The following DLG5 variants were observed in gnomAD, a reference collection of about 807,000 sequenced individuals.
DLG5 encodes the protein disks large homolog 5.
DLG5 carries 48 observed loss-of-function variants against 189.8 expected under a neutral mutation model. The ratio of observed to expected loss-of-function variants is 0.25; its 90% CI spans 0.20 to 0.32. The LOEUF (loss-of-function observed/expected upper bound fraction) is 0.32. Among genes scored for constraint, DLG5 ranks in the 10% least tolerant of loss-of-function variants. The probability of loss-of-function intolerance (pLI) is 1.00; values close to 1 mark genes in which losing one functional copy is unlikely to be tolerated. For missense variants in DLG5, 2,160 were observed against 2,544.7 expected, an observed-to-expected ratio of 0.85 and a Z score of 3.25; for synonymous variants, 1,016 against 1,054.1, an observed-to-expected ratio of 0.96 and a Z score of 0.70.
Position 77,791,973 on chromosome 10 carries a change from A to G in DLG5, c.*467T>C, listed in dbSNP as rs750213078. The G allele has an allele frequency of 6.0e-5, 10 of 165,668 alleles. No individual in the cohort carries two copies. The highest frequency in any genetic ancestry group is 1.2e-4 in the Admixed American group (2 of 16,920). 10.3% of individuals were successfully genotyped at this position (165,668 alleles called of 1,614,324 possible). On this transcript the variant is annotated 3_prime_UTR_variant, in exon 32 of 32. Transcript: ENST00000372391. ...AACCTCCCAAAGCAAAGCAGCCCCC[A>G]TTGAGGTTCCAAGGTCGTTTTGCTG...
chr10:77,909,467 C>T (rs569273823), intron 1 of DLG5, among the ~76,000 whole-genome samples: 11 of 151,836 alleles, frequency 7.2e-5, no homozygotes, highest in African/African-American at 2.4e-4. Context: ...AACAAGCCTG[C>T]GTGTTCTGCA....
intron 1 of DLG5, among the ~76,000 whole-genome samples, chr10:77,905,041 A>C (rs919350738): frequency 6.7e-6 from 1 of 148,784 alleles, no homozygotes; most frequent in Non-Finnish European, 1.5e-5. Flanking sequence ...AGGAAGGAGA[A>C]TCACTTGAAC....
In DLG5 at chr10:77,835,911, C is replaced by T. The variant is rs748168070; in HGVS notation, c.1449G>A (p.Thr483=). 8.7e-6 allele frequency: 14 copies of T among 1,612,608 alleles called. No individual in the cohort carries two copies. Among genetic ancestry groups the T allele is most frequent in the Admixed American group, 5.0e-5 (3 of 59,946 alleles). Residue 483 remains threonine (T), a synonymous_variant, in exon 8 of 32, where the codon ACG becomes ACA. Transcript: ENST00000372391. ...EMEALRQIKD[T]VTMDAGRANK... is the part of the protein sequence containing the mutation. ...TGGCTCTCCCAGCATCCATTGTCAC[C>T]GTGTCTTTGATCTGGTGGGAGCAAG...
At chr10:77,833,833 A>T (rs1842990997) in intron 9 of DLG5, 81 bp downstream of exon 9, 4 of 1,558,948 alleles carry the variant, frequency 2.6e-6, no homozygotes, top group Non-Finnish European at 3.5e-6. Context: ...CAATGCACTC[A>T]GCATTGCCTT....
At position 77,829,450 on chromosome 10, in the gene DLG5, T is replaced by A. The variant is rs773204272; in HGVS notation, c.2090A>T (p.Asn697Ile). ...DKKQAIKALL[N>I]GEGAINMVVR... Reference sequence around the variant, plus strand: ...GACCATGTTGATGGCCCCCTCCCCATTGAGGAGCGCCTTGATGGCCTGCTT... The same window carrying A: ...GACCATGTTGATGGCCCCCTCCCCAATGAGGAGCGCCTTGATGGCCTGCTT... The change falls in exon 12 of 32, where the codon AAT becomes ATT. Residue 697 changes from asparagine to isoleucine, a missense_variant. This residue lies in a region of DLG5 where 107 missense variants were observed against 214.5 expected (regional missense o/e 0.50). Transcript: ENST00000372391. 7 of 1,614,142 alleles carry A rather than the reference T, an allele frequency of 4.3e-6. No homozygotes were observed. In the South Asian group the frequency reaches 4.4e-5, roughly 10 times the overall value.
chr10:77,857,432 T>C (rs924903685), intron 2 of DLG5, among the ~76,000 whole-genome samples: 1 of 152,192 alleles, frequency 6.6e-6, no homozygotes, highest in Non-Finnish European at 1.5e-5. Context: ...ACGGCTCCCT[T>C]TTTGCAAGCC....
chr10:77,883,755 G>A (rs1029039011), intron 1 of DLG5, among the ~76,000 whole-genome samples: 19 of 137,720 alleles, frequency 1.4e-4, no homozygotes, highest in Non-Finnish European at 2.4e-4. Context: ...GGAGTGCAGT[G>A]GTGTGATCTC....
At chr10:77,938,993 A>G in the DLG5 span, among the ~76,000 whole-genome samples, 1 of 151,972 alleles carries the variant, frequency 6.6e-6, no homozygotes, top group African/African-American at 2.4e-5. Context: ...GACCAGCCTG[A>G]CCAACATGGT....
chr10:77,826,750 C>A (rs1380474830), intron 13 of DLG5, among the ~76,000 whole-genome samples: 3 of 152,192 alleles, frequency 2.0e-5, no homozygotes, highest in Non-Finnish European at 2.9e-5. Flanking sequence ...GAGCTCGAGA[C>A]CAGGCTGGCC....
chr10:77,914,277 A>T (rs1302031447), intron 1 of DLG5, among the ~76,000 whole-genome samples: 1 of 152,106 alleles, frequency 6.6e-6, no homozygotes, highest in Non-Finnish European at 1.5e-5. Context: ...TTTGAACTCC[A>T]AGTATGGCCT....
rs781403402 is a variant in DLG5 at position 77,805,676 on chromosome 10, G to A, written c.5153C>T (p.Pro1718Leu). Residue 1718 changes from proline to leucine, a missense_variant, in exon 27 of 32, where the codon CCA (proline) becomes CTA (leucine). This residue lies in a region of DLG5 where 574 missense variants were observed against 644.2 expected (regional missense o/e 0.89). Transcript: ENST00000372391. ...ALDAFSSDSI[P>L]LFEDSVSLAY... ...GCTCAGCCACTTGCCTTCAAAGAGT[G>A]GAATGGAGTCACTGGAAAAGGCATC... The A allele has an allele frequency of 2.5e-6, 4 of 1,611,788 alleles. No individual in the cohort carries two copies. Among genetic ancestry groups the A allele is most frequent in the South Asian group, 2.2e-5 (2 of 90,934 alleles).
chr10:77,905,056 G>A (rs759918118), intron 1 of DLG5, among the ~76,000 whole-genome samples: 10 of 147,518 alleles, frequency 6.8e-5, no homozygotes, highest in Non-Finnish European at 1.3e-4. Flanking sequence ...TTGAACCCGG[G>A]AGGCAGAAGT....
At chr10:77,845,234 TGA>T (rs1278593219) in intron 5 of DLG5, 2 of 152,190 alleles carry the variant, frequency 1.3e-5, no homozygotes, top group Non-Finnish European at 2.9e-5. Context: ...AGCCCTGGGG[TGA>T]GTCACTCCAC....
At chr10:77,899,197 G>C (rs1327796539) in intron 1 of DLG5, among the ~76,000 whole-genome samples, 1 of 152,202 alleles carries the variant, frequency 6.6e-6, no homozygotes, top group Non-Finnish European at 1.5e-5. Context: ...AGGCCAGGCA[G>C]CCATCCAGGC....
Position 77,843,428 on chromosome 10 carries a change from C to T in DLG5, c.1124+19G>A. The T allele has an allele frequency of 6.2e-7, 1 of 1,610,836 alleles. No homozygotes were observed. Among genetic ancestry groups the T allele is most frequent in the Non-Finnish European group, 8.5e-7 (1 of 1,179,076 alleles). On this transcript the variant is annotated intron_variant, in intron 6 of 31. Coordinates refer to ENST00000372391, the MANE Select transcript of DLG5 (RefSeq NM_004747.4). ...TATAGGACCCATTTGCCCCCGGCCCCCGATGGCCCTAGCCCTACCTCCTCA... is the reference window on the plus strand; with the variant it reads ...TATAGGACCCATTTGCCCCCGGCCCTCGATGGCCCTAGCCCTACCTCCTCA...
At chr10:77,877,154 C>A (rs966101644) in intron 1 of DLG5, among the ~76,000 whole-genome samples, 1 of 152,142 alleles carries the variant, frequency 6.6e-6, no homozygotes, top group Non-Finnish European at 1.5e-5. Context: ...ATCTGTGACT[C>A]CCCTCCCTTC....
intron 31 of DLG5, chr10:77,792,865 T>C (rs1289083399): frequency 2.9e-6 from 1 of 344,936 alleles, no homozygotes; most frequent in South Asian, 3.8e-5. Context: ...ATTAGCAGGA[T>C]TCTGCAGGAA....
At chr10:77,817,999 G>T in intron 17 of DLG5, 110 bp from the exon 18 acceptor site, 1 of 845,330 alleles carries the variant, frequency 1.2e-6, no homozygotes, top group Non-Finnish European at 1.8e-6. Flanking sequence ...CAGAAGGGAG[G>T]CCCAGGAGCC....
chr10:77,794,349 GC>G (rs1288534088), intron 30 of DLG5, among the ~76,000 whole-genome samples: 4 of 152,246 alleles, frequency 2.6e-5, no homozygotes, highest in African/African-American at 7.2e-5. Flanking sequence ...TGCACCAGCA[GC>G]CCCTAGCGCA....
Sources: allele counts gnomAD v4.1 joint callset (sites outside exome capture counted in the v4.1 genomes callset), GRCh38; gene constraint gnomAD v4.1.1; regional missense constraint gnomAD v4.1.1; transcripts MANE v1.5; gene names NCBI Gene and HGNC (gene_info 2026-07-23, HGNC 2026-07-21).